RAB3IP: variants seen among roughly 807,000 people sequenced by gnomAD.
RAB3IP encodes the protein rab-3A-interacting protein.
Under a neutral mutation model 59.1 loss-of-function variants are expected in RAB3IP, and 36 were observed. That is an observed-to-expected ratio of 0.61 (90% CI 0.47 to 0.80). The LOEUF (loss-of-function observed/expected upper bound fraction) is 0.80. RAB3IP is among the 30% of genes least tolerant of loss of function. The probability of loss-of-function intolerance (pLI) is 0.00; values close to 1 mark genes in which losing one functional copy is unlikely to be tolerated. For missense variants in RAB3IP, 511 were observed against 536.0 expected, an observed-to-expected ratio of 0.95 and a Z score of 0.46; for synonymous variants, 207 against 191.2, an observed-to-expected ratio of 1.08 and a Z score of -0.68.
chr12:69,808,804 A>T (rs1879905233), intron 8 of RAB3IP, among the ~76,000 whole-genome samples: 1 of 152,156 alleles, frequency 6.6e-6, no homozygotes, highest in Non-Finnish European at 1.5e-5. Context: ...TCTGCACATG[A>T]GATGGGTTTC....
intron 3 of RAB3IP, 71 bp downstream of exon 3, chr12:69,756,734 A>G: frequency 4.8e-6 from 6 of 1,240,496 alleles, no homozygotes; most frequent in Non-Finnish European, 6.7e-6. Context: ...GGGTGGGGCA[A>G]CCTGCAGAAA....
intron 3 of RAB3IP, among the ~76,000 whole-genome samples, chr12:69,764,937 A>G (rs952600284): frequency 1.3e-5 from 2 of 152,056 alleles, no homozygotes; most frequent in African/African-American, 4.8e-5. Context: ...ATTTGCTCTC[A>G]CCTTGAATGT....
chr12:69,794,603 C>A (rs112028989), intron 5 of RAB3IP, 89 bp downstream of exon 5: 2 of 976,438 alleles, frequency 2.0e-6, no homozygotes, highest in South Asian at 1.8e-5. Context: ...TTGTTCTGAT[C>A]GTAAAGTAGT....
chr12:69,810,893 G>C (rs919267862), intron 8 of RAB3IP, among the ~76,000 whole-genome samples: 1 of 152,214 alleles, frequency 6.6e-6, no homozygotes, highest in African/African-American at 2.4e-5. Flanking sequence ...TATTAATGTA[G>C]TGTAGCATGT....
intron 3 of RAB3IP, among the ~76,000 whole-genome samples, chr12:69,759,418 T>A (rs947465672): frequency 7.9e-5 from 12 of 152,138 alleles, no homozygotes; most frequent in African/African-American, 2.9e-4. Context: ...CTGATTTCTC[T>A]ATCTTTTCCC....
chr12:69,767,432 G>C (rs1214693178), intron 3 of RAB3IP, among the ~76,000 whole-genome samples: 2 of 152,220 alleles, frequency 1.3e-5, no homozygotes, highest in Non-Finnish European at 2.9e-5. Flanking sequence ...GGGGGATGGG[G>C]CCATGATTGG....
At chr12:69,789,459 A>G (rs11177850) in intron 4 of RAB3IP, among the ~76,000 whole-genome samples, 15,867 of 152,140 alleles carry the variant, frequency 0.1, 927 homozygotes, top group South Asian at 0.18. Flanking sequence ...ATCAAGAAGT[A>G]GAAACAAAAA....
chr12:69,762,461 T>C (rs1871455836), intron 3 of RAB3IP, among the ~76,000 whole-genome samples: 1 of 152,218 alleles, frequency 6.6e-6, no homozygotes, highest in African/African-American at 2.4e-5. Context: ...CTTTTATTTT[T>C]CTTAAAAGAA....
At chr12:69,754,365 A>ACACG (rs1420796345) in intron 1 of RAB3IP, among the ~76,000 whole-genome samples, 10 of 150,832 alleles carry the variant, frequency 6.6e-5, no homozygotes, top group Non-Finnish European at 1.5e-4. Flanking sequence ...ACACACACAC[A>ACACG]CACACTGTGT....
rs753487909 is a variant in RAB3IP at position 69,756,626 on chromosome 12, A to G, written c.473A>G (p.Tyr158Cys). ...PSVLEVREKGYERLKEELAKA... is the reference protein window; with the variant it reads ...PSVLEVREKGCERLKEELAKA... ...GTTTTGGAAGTTAGAGAAAAGGGCT[A>G]TGAACGATTAAAAGAAGAACTCGCA... Residue 158 changes from tyrosine to cysteine, a missense_variant, in exon 3 of 11, where the codon TAT (tyrosine) becomes TGT (cysteine). Tyr to Cys is a radical substitution (Grantham distance 194, BLOSUM62 -2). Transcript: ENST00000247833. The G allele has an allele frequency of 4.3e-6, 7 of 1,613,954 alleles. No homozygotes were observed. The highest frequency in any genetic ancestry group is 3.3e-5 in the South Asian group (3 of 91,056).
intron 3 of RAB3IP, among the ~76,000 whole-genome samples, chr12:69,761,345 G>T (rs1161557483): frequency 6.6e-6 from 1 of 152,078 alleles, no homozygotes; most frequent in African/African-American, 2.4e-5. Context: ...TAATAAGCTG[G>T]GGCAGATCTG....
intron 1 of RAB3IP, among the ~76,000 whole-genome samples, chr12:69,749,523 T>A (rs1868889538): frequency 6.6e-6 from 1 of 152,192 alleles, no homozygotes; most frequent in South Asian, 2.1e-4. Flanking sequence ...TCAGATTGTC[T>A]CAGTAATTTG....
At chr12:69,796,388 A>C (rs1877441967) in intron 6 of RAB3IP, 1 of 307,326 alleles carries the variant, frequency 3.3e-6, no homozygotes, top group Admixed American at 5.0e-5. Flanking sequence ...AGCTGTTTAG[A>C]GTAAAAATTT....
intron 6 of RAB3IP, chr12:69,796,620 G>T: frequency 3.2e-6 from 2 of 627,642 alleles, no homozygotes; most frequent in South Asian, 3.8e-5. Flanking sequence ...GCATTTTGAC[G>T]AATTATCAAT....
chr12:69,811,924 G>C (rs1880515284), intron 8 of RAB3IP: 1 of 152,102 alleles, frequency 6.6e-6, no homozygotes, highest in Admixed American at 6.6e-5. Context: ...CACTTACTTA[G>C]AGCTATGCTA....
At chr12:69,740,016 A>AGTGCCTTCCGTTC in intron 1 of RAB3IP, 1 of 707,606 alleles carries the variant, frequency 1.4e-6, no homozygotes, top group Non-Finnish European at 2.4e-6. Context: ...GTGTCGGGTT[A>AGTGCCTTCCGTTC]AAAGCCTTGT....
chr12:69,802,945 A>T (rs1292445853), intron 8 of RAB3IP, among the ~76,000 whole-genome samples: 1 of 152,176 alleles, frequency 6.6e-6, no homozygotes, highest in Non-Finnish European at 1.5e-5. Context: ...ACATTCTTAA[A>T]TTCTACAAAT....
chr12:69,739,840 G>T (rs368746769), intron 1 of RAB3IP: 2 of 1,614,114 alleles, frequency 1.2e-6, no homozygotes, highest in East Asian at 4.5e-5. Context: ...AAGAGTTGCC[G>T]GTTGTTATGG....
At chr12:69,798,742 G>T (rs61930180) in intron 6 of RAB3IP, among the ~76,000 whole-genome samples, 17,225 of 152,064 alleles carry the variant, frequency 0.11, 1,294 homozygotes, top group Middle Eastern at 0.18. Flanking sequence ...TTTCTACATA[G>T]GGCTAGCCAG....
Sources: allele counts gnomAD v4.1 joint callset (sites outside exome capture counted in the v4.1 genomes callset), GRCh38; gene constraint gnomAD v4.1.1; transcripts MANE v1.5; gene names NCBI Gene and HGNC (gene_info 2026-07-23, HGNC 2026-07-21).